Variants in CWF19L2 observed in about 807,000 individuals in gnomAD.
The protein encoded by CWF19L2 is CWF19 like cell cycle control factor 2.
A neutral mutation model predicts 111.7 loss-of-function variants in CWF19L2; 98 were observed. The ratio of observed to expected loss-of-function variants is 0.88; its 90% CI spans 0.75 to 1.04. The LOEUF (loss-of-function observed/expected upper bound fraction) is 1.04. Ranked by LOEUF, CWF19L2 falls within the 50% of genes least tolerant of loss-of-function variation. CWF19L2 has a pLI of 0.00. For synonymous variants in CWF19L2, 351 were observed against 342.9 expected (o/e 1.02, Z -0.26); for missense variants, 1,101 against 1,051.4 (o/e 1.05, Z -0.65).
At chr11:107,337,230 A>G (rs868425904) in intron 14 of CWF19L2, among the ~76,000 whole-genome samples, 2 of 152,238 alleles carry the variant, frequency 1.3e-5, no homozygotes, top group South Asian at 4.1e-4. Flanking sequence ...CTATTTTCAC[A>G]TATAATGCAG....
At chr11:107,361,638 T>C (rs1486902572) in intron 12 of CWF19L2, among the ~76,000 whole-genome samples, 1 of 152,240 alleles carries the variant, frequency 6.6e-6, no homozygotes, top group South Asian at 2.1e-4. Context: ...ATTTGTGTCA[T>C]CTACGATTTC....
intron 12 of CWF19L2, among the ~76,000 whole-genome samples, chr11:107,363,387 T>C (rs1320952279): frequency 6.6e-6 from 1 of 151,900 alleles, no homozygotes. Flanking sequence ...TCACCAAAGT[T>C]GAAATGAAGG....
intron 4 of CWF19L2, 46 bp downstream of exon 4, chr11:107,442,893 G>GAAGGAAGT: frequency 8.3e-7 from 1 of 1,206,822 alleles, no homozygotes. Context: ...AGGAAGGAAG[G>GAAGGAAGT]AAGGAAGGAA....
At chr11:107,453,120 T>C (rs966750918) in intron 3 of CWF19L2, among the ~76,000 whole-genome samples, 1 of 152,108 alleles carries the variant, frequency 6.6e-6, no homozygotes, top group Non-Finnish European at 1.5e-5. Flanking sequence ...ATAAATCAGA[T>C]TTCACAAAGA....
chr11:107,440,164 A>G (rs973987445), intron 5 of CWF19L2, among the ~76,000 whole-genome samples: 2 of 152,200 alleles, frequency 1.3e-5, no homozygotes, highest in Non-Finnish European at 2.9e-5. Flanking sequence ...AAAGGGTGCT[A>G]AAGAACTACA....
intron 3 of CWF19L2, among the ~76,000 whole-genome samples, chr11:107,449,976 T>G (rs1274901203): frequency 1.3e-5 from 2 of 151,960 alleles, no homozygotes; most frequent in East Asian, 3.9e-4. Flanking sequence ...AACAAAAAAT[T>G]TAAAAGCCAT....
At chr11:107,426,866 T>C (rs1861385610) in intron 8 of CWF19L2, among the ~76,000 whole-genome samples, 2 of 151,814 alleles carry the variant, frequency 1.3e-5, no homozygotes, top group Non-Finnish European at 1.5e-5. Flanking sequence ...ACCAACACTG[T>C]TAACCTGGCA....
intron 5 of CWF19L2, 78 bp from the exon 6 acceptor site, chr11:107,439,261 AC>A: frequency 1.2e-6 from 1 of 832,268 alleles, no homozygotes; most frequent in Non-Finnish European, 2.0e-6. Flanking sequence ...TAAATCTGAG[AC>A]CCAGTTAATA....
In CWF19L2 at chr11:107,389,992, A is replaced by C. The variant is rs1591179118; in HGVS notation, c.1872+82T>G. 1.5e-5 allele frequency: 17 copies of C among 1,152,208 alleles called. No homozygotes were observed. In the East Asian group the frequency reaches 4.1e-4, roughly 28 times the overall value. 71.4% of individuals were successfully genotyped at this position (1,152,208 alleles called of 1,614,324 possible). ...AAATGAATCAAGATTAGAGAGAACC[A>C]GATCTCTCCAAAAAGCAGATCACTG... On this transcript the variant is annotated intron_variant, in intron 12 of 17. Transcript: ENST00000282251.
intron 6 of CWF19L2, among the ~76,000 whole-genome samples, chr11:107,438,176 AC>A (rs1861569100): frequency 6.6e-6 from 1 of 152,256 alleles, no homozygotes; most frequent in African/African-American, 2.4e-5. Context: ...AAAACATCCT[AC>A]TGATAAATCA....
At chr11:107,414,729 G>A (rs908512920) in intron 10 of CWF19L2, among the ~76,000 whole-genome samples, 2 of 152,014 alleles carry the variant, frequency 1.3e-5, no homozygotes, top group Non-Finnish European at 2.9e-5. Flanking sequence ...AAACCTTGGA[G>A]TCCTCTTTGC....
At chr11:107,333,331 T>C (rs1375478136) in intron 16 of CWF19L2, among the ~76,000 whole-genome samples, 1 of 152,178 alleles carries the variant, frequency 6.6e-6, no homozygotes, top group African/African-American at 2.4e-5. Flanking sequence ...CAGGTACTCA[T>C]GGAGCTTTTA....
intron 10 of CWF19L2, among the ~76,000 whole-genome samples, chr11:107,411,482 G>A (rs945721300): frequency 2.6e-5 from 4 of 151,860 alleles, no homozygotes; most frequent in African/African-American, 7.3e-5. Flanking sequence ...TCTTTTGAAC[G>A]TATTTGAAAC....
At chr11:107,328,522 C>T (rs755045145) in intron 17 of CWF19L2, among the ~76,000 whole-genome samples, 1 of 152,130 alleles carries the variant, frequency 6.6e-6, no homozygotes, top group Non-Finnish European at 1.5e-5. Flanking sequence ...AGCCCACAGG[C>T]TATTTCTTAA....
At chr11:107,441,664 T>C (rs758178735) in intron 4 of CWF19L2, 42 bp from the exon 5 acceptor site, 35 of 1,481,372 alleles carry the variant, frequency 2.4e-5, no homozygotes, top group Non-Finnish European at 5.3e-6. Flanking sequence ...CATCCACTCA[T>C]CATTTCAATC....
intron 7 of CWF19L2, among the ~76,000 whole-genome samples, chr11:107,430,764 ATGTAAGATAAC>A (rs1861454619): frequency 6.6e-6 from 1 of 152,114 alleles, no homozygotes; most frequent in Non-Finnish European, 1.5e-5. Context: ...AGTTTCCATT[ATGTAAGATAAC>A]TAAGCCTGGA....
At chr11:107,348,845 T>C (rs1366502012) in intron 14 of CWF19L2, 92 bp downstream of exon 14, 10 of 605,984 alleles carry the variant, frequency 1.7e-5, no homozygotes, top group Non-Finnish European at 2.9e-5. Flanking sequence ...CTAAAATCAT[T>C]AAATGAAGTT....
chr11:107,457,692 A>C lies in CWF19L2; in HGVS notation c.105+20T>G, dbSNP rs1166856108. 6.5e-7 allele frequency: 1 copy of C among 1,533,892 alleles called. No individual in the cohort carries two copies. The highest frequency in any genetic ancestry group is 8.8e-7 in the Non-Finnish European group (1 of 1,131,054). On this transcript the variant is annotated intron_variant, in intron 1 of 17. Coordinates refer to ENST00000282251, the MANE Select transcript of CWF19L2 (RefSeq NM_152434.3). ...CTCCCACAACAATAAATAACTACAA[A>C]AGCCCCAAAACAGAGGTACCTGGCG...
Position 107,368,524 on chromosome 11 carries a change from A to G in CWF19L2, c.1873-14788T>C, listed in dbSNP as rs1471425614. On this transcript the variant is annotated intron_variant, in intron 12 of 17. Coordinates refer to ENST00000282251, the MANE Select transcript of CWF19L2 (RefSeq NM_152434.3). ...TCACAGTAACTACTAAACTTCATGA[A>G]TAATCATATACAGAAGAGAAGAAAG... Among the ~76,000 whole-genome samples, 5 of 138,234 alleles carry G rather than the reference A, an allele frequency of 3.6e-5. 1 individual carries two copies. The East Asian group carries it at 1.1e-3, about 29-fold the overall frequency. The allele number at this position is 138,234 out of a possible 152,430, so 90.7% of individuals were successfully genotyped here.
Sources: gnomAD v4.1 joint callset for allele counts (sites outside exome capture counted in the v4.1 genomes callset) on GRCh38, gnomAD v4.1.1 for gene constraint, MANE v1.5 for transcripts, NCBI Gene and HGNC (gene_info 2026-07-23, HGNC 2026-07-21) for gene names.